DTNA: variants seen among roughly 807,000 people sequenced by gnomAD.
DTNA encodes the protein dystrophin-related protein 3.
In DTNA, 43 loss-of-function variants were observed where a neutral mutation model predicts 100.7. The ratio of observed to expected loss-of-function variants is 0.43; its 90% CI spans 0.33 to 0.55. The LOEUF (loss-of-function observed/expected upper bound fraction) is 0.55. Ranked by LOEUF, DTNA falls within the 20% of genes least tolerant of loss-of-function variation. The probability of loss-of-function intolerance (pLI) is 0.04; values close to 1 mark genes in which losing one functional copy is unlikely to be tolerated. For synonymous variants in DTNA, 349 were observed against 347.9 expected (o/e 1.00, Z -0.04); for missense variants, 798 against 953.9 (o/e 0.84, Z 2.15).
At chr18:34,600,746 A>G (rs1227285695) in intron 1 of DTNA, among the ~76,000 whole-genome samples, 1 of 152,216 alleles carries the variant, frequency 6.6e-6, no homozygotes, top group African/African-American at 2.4e-5. Context: ...TAAAACTAAG[A>G]TGTAGACATA....
chr18:34,866,844 C>A (rs911177679), intron 17 of DTNA: 1 of 1,023,420 alleles, frequency 9.8e-7, no homozygotes, highest in Non-Finnish European at 1.2e-6. Context: ...CAGAGCCTTT[C>A]GGCTCCGGGA....
intron 1 of DTNA, among the ~76,000 whole-genome samples, chr18:34,666,393 T>A (rs1284579017): frequency 6.6e-6 from 1 of 152,056 alleles, no homozygotes; most frequent in Non-Finnish European, 1.5e-5. Context: ...CTGATGGTAG[T>A]TTCTTTTGCT....
intron 17 of DTNA, chr18:34,867,947 G>T: frequency 1.0e-6 from 1 of 985,396 alleles, no homozygotes. Context: ...CTGGGTAGTG[G>T]CAGAGTTTGC....
chr18:34,585,933 T>A (rs1348082226), intron 1 of DTNA, among the ~76,000 whole-genome samples: 1 of 152,198 alleles, frequency 6.6e-6, no homozygotes, highest in Non-Finnish European at 1.5e-5. Flanking sequence ...AGAACATGAA[T>A]GCCATGAATA....
intron 1 of DTNA, among the ~76,000 whole-genome samples, chr18:34,657,699 C>T (rs1300821819): frequency 6.6e-6 from 1 of 152,126 alleles, no homozygotes; most frequent in Non-Finnish European, 1.5e-5. Context: ...ACACCATGAG[C>T]CATTCTCCAA....
At chr18:34,584,144 G>A (rs2048899466) in intron 1 of DTNA, among the ~76,000 whole-genome samples, 1 of 152,172 alleles carries the variant, frequency 6.6e-6, no homozygotes, top group Admixed American at 6.5e-5. Context: ...GACTACCCAA[G>A]GGGGAAGAAA....
intron 6 of DTNA, among the ~76,000 whole-genome samples, chr18:34,814,338 A>T (rs944223866): frequency 2.0e-5 from 3 of 152,158 alleles, no homozygotes; most frequent in African/African-American, 7.2e-5. Flanking sequence ...GCCTCAGAAT[A>T]TATGTCTCAT....
intron 1 of DTNA, among the ~76,000 whole-genome samples, chr18:34,561,603 T>C (rs1056474801): frequency 5.9e-5 from 9 of 152,164 alleles, no homozygotes; most frequent in African/African-American, 2.2e-4. Flanking sequence ...GGCTCATTAT[T>C]ATTTCAATAA....
intron 9 of DTNA, among the ~76,000 whole-genome samples, chr18:34,824,233 G>A (rs1454497366): frequency 6.6e-6 from 1 of 152,088 alleles, no homozygotes; most frequent in Admixed American, 6.5e-5. Flanking sequence ...CCCAGCACTT[G>A]GGGAGGCTGA....
At chr18:34,532,470 G>A (rs1004703929) in intron 1 of DTNA, among the ~76,000 whole-genome samples, 2 of 152,088 alleles carry the variant, frequency 1.3e-5, no homozygotes, top group African/African-American at 4.8e-5. Flanking sequence ...GGGTTGGAAT[G>A]CCAGATTGCA....
rs750365995 is a variant in DTNA, at chr18:34,870,018, TC to T, written c.1744-5219del. 5.3e-5 allele frequency among the ~76,000 whole-genome samples: 8 copies of T among 152,254 alleles called. No homozygotes were observed. The East Asian group carries it at 1.2e-3, about 22-fold the overall frequency. ...CCTGGGCAACACGACACAGCGAGAC[TC>T]CGTCTCAAAAAAAAGGGGGTAAAAT... On this transcript the variant is annotated intron_variant, in intron 17 of 22. Coordinates refer to ENST00000444659, the MANE Select transcript of DTNA (RefSeq NM_001386795.1).
intron 3 of DTNA, among the ~76,000 whole-genome samples, chr18:34,771,427 G>A (rs1290225205): frequency 3.3e-5 from 5 of 151,946 alleles, no homozygotes; most frequent in Admixed American, 6.5e-5. Flanking sequence ...TGAACCCGGG[G>A]AGGTGGAGAT....
At chr18:34,776,926 A>G (rs1228338925) in intron 3 of DTNA, among the ~76,000 whole-genome samples, 4 of 152,276 alleles carry the variant, frequency 2.6e-5, no homozygotes, top group Admixed American at 2.6e-4. Flanking sequence ...GGGCCTTAGC[A>G]CTGGCTGTTC....
chr18:34,777,301 C>T (rs1448320444), intron 3 of DTNA, among the ~76,000 whole-genome samples: 1 of 152,114 alleles, frequency 6.6e-6, no homozygotes, highest in Admixed American at 6.5e-5. Context: ...CATTTTGAGA[C>T]TACTGGGGAG....
chr18:34,618,849 T>A (rs2055871854), intron 1 of DTNA, among the ~76,000 whole-genome samples: 1 of 152,312 alleles, frequency 6.6e-6, no homozygotes, highest in Admixed American at 6.5e-5. Flanking sequence ...CCAATTAATT[T>A]ATTAAGTCTG....
At chr18:34,712,138 G>A (rs1356765801) in intron 1 of DTNA, among the ~76,000 whole-genome samples, 1 of 151,910 alleles carries the variant, frequency 6.6e-6, no homozygotes, top group Non-Finnish European at 1.5e-5. Flanking sequence ...AAAAATAAAA[G>A]AGGGAAAGAA....
intron 1 of DTNA, among the ~76,000 whole-genome samples, chr18:34,637,065 G>A (rs2058741430): frequency 6.6e-6 from 1 of 152,154 alleles, no homozygotes; most frequent in African/African-American, 2.4e-5. Flanking sequence ...AAAAGGCTGA[G>A]TTTCTAAATA....
chr18:34,666,615 G>A (rs929838428), intron 1 of DTNA, among the ~76,000 whole-genome samples: 4 of 152,176 alleles, frequency 2.6e-5, no homozygotes, highest in East Asian at 3.8e-4. Context: ...ATAAGGAAGG[G>A]ATCCAGTTTC....
intron 14 of DTNA, 42 bp downstream of exon 14, chr18:34,848,425 G>A: frequency 6.3e-7 from 1 of 1,592,464 alleles, no homozygotes; most frequent in Non-Finnish European, 8.6e-7. Flanking sequence ...TGGCATCTGG[G>A]ATCCTTGAAT....
Sources: allele counts gnomAD v4.1 joint callset (sites outside exome capture counted in the v4.1 genomes callset), GRCh38; gene constraint gnomAD v4.1.1; transcripts MANE v1.5; gene names NCBI Gene and HGNC (gene_info 2026-07-23, HGNC 2026-07-21).